TMEM135: variants seen among roughly 807,000 people sequenced by gnomAD.
TMEM135 encodes the protein peroxisomal membrane protein 52.
In TMEM135, 30 loss-of-function variants were observed where a neutral mutation model predicts 60.3. The observed-to-expected ratio is 0.50, with a 90% CI of 0.37 to 0.68. TMEM135 has a LOEUF of 0.68. Ranked by LOEUF, TMEM135 falls within the 30% of genes least tolerant of loss-of-function variation. The pLI is 0.00. For missense variants in TMEM135, 468 were observed against 548.8 expected (o/e 0.85, Z 1.47); for synonymous variants, 190 against 186.7 (o/e 1.02, Z -0.14).
chr11:87,057,058 C>T (rs1157627364), intron 1 of TMEM135, among the ~76,000 whole-genome samples: 1 of 152,134 alleles, frequency 6.6e-6, no homozygotes, highest in East Asian at 1.9e-4. Context: ...TGTGTGTTTT[C>T]AAGACTTTCC....
At chr11:87,085,107 C>T (rs1241310875) in intron 3 of TMEM135, among the ~76,000 whole-genome samples, 3 of 152,130 alleles carry the variant, frequency 2.0e-5, no homozygotes, top group African/African-American at 7.2e-5. Context: ...CTTAACATAA[C>T]TGAAGAAGTG....
At chr11:87,106,739 G>A (rs1222637497) in intron 4 of TMEM135, among the ~76,000 whole-genome samples, 3 of 152,124 alleles carry the variant, frequency 2.0e-5, no homozygotes, top group African/African-American at 7.2e-5. Flanking sequence ...ATTATTGGTT[G>A]TATAAGGCCA....
At chr11:87,197,413 A>C (rs908064060) in intron 5 of TMEM135, among the ~76,000 whole-genome samples, 1 of 152,138 alleles carries the variant, frequency 6.6e-6, no homozygotes, top group Non-Finnish European at 1.5e-5. Flanking sequence ...CCCATAAAAC[A>C]GGAAGCATCT....
intron 5 of TMEM135, among the ~76,000 whole-genome samples, chr11:87,177,477 C>CAGTTTTATTGTGGTATAATAGCCAT (rs1939405038): frequency 6.6e-6 from 1 of 151,968 alleles, no homozygotes; most frequent in Non-Finnish European, 1.5e-5. Flanking sequence ...TTTTAAAAAC[C>CAGTTTTATTGTGGTATAATAGCCAT]AGTTTTATTG....
chr11:87,218,271 C>T (rs1411619456), intron 5 of TMEM135, among the ~76,000 whole-genome samples: 1 of 151,998 alleles, frequency 6.6e-6, no homozygotes, highest in Non-Finnish European at 1.5e-5. Context: ...AGAAGTGGGC[C>T]CTTTGATCTT....
In TMEM135 at chr11:87,038,107, C is replaced by G; in HGVS notation, c.62C>G (p.Pro21Arg). 6.2e-7 allele frequency: 1 copy of G among 1,614,162 alleles called. No homozygotes were observed. The highest frequency in any genetic ancestry group is 8.5e-7 in the Non-Finnish European group (1 of 1,180,024). ...TATGAGATCGGCCACACTTGGCACC[C>G]TTCCTGCCGGGTCTCCTTCCTGCAG... Reference protein sequence around the residue: ...NCYEIGHTWHPSCRVSFLQIT... With the variant: ...NCYEIGHTWHRSCRVSFLQIT... The change falls in exon 1 of 15, where the codon CCT (proline) becomes CGT (arginine). Residue 21 changes from proline to arginine, a missense_variant. Pro to Arg is a moderately radical substitution (Grantham distance 103). Coordinates refer to ENST00000305494, the MANE Select transcript of TMEM135 (RefSeq NM_022918.4).
chr11:87,311,208 ATGGACAG>A (rs139703643), intron 10 of TMEM135, among the ~76,000 whole-genome samples: 3,236 of 151,840 alleles, frequency 0.021, 69 homozygotes, highest in East Asian at 0.055. Context: ...TTAGGGTAAC[ATGGACAG>A]TGTTGTTTTC....
rs373021784 is a variant in TMEM135, at chr11:87,085,774, C to CA, written c.363-5582dup. On this transcript the variant is annotated intron_variant, in intron 3 of 14. Transcript: ENST00000305494. ...TGTCTCAAAAACAAACAAACAACAA[C>CA]AAAAAAGATAATTTAGTAGTGCAAA... is the stretch of plus-strand genomic sequence containing the variant. Among the ~76,000 whole-genome samples, 603 of 152,024 alleles carry CA rather than the reference C, an allele frequency of 4.0e-3. 4 individuals are homozygous for CA. Among genetic ancestry groups the CA allele is most frequent in the African/African-American group, 0.012 (513 of 41,476 alleles).
chr11:87,314,136 A>G (rs1175432284), intron 11 of TMEM135, among the ~76,000 whole-genome samples: 2 of 151,834 alleles, frequency 1.3e-5, no homozygotes, highest in Non-Finnish European at 3.0e-5. Context: ...TTTCCACTTA[A>G]AATCGAAAAG....
intron 3 of TMEM135, among the ~76,000 whole-genome samples, chr11:87,078,848 C>G (rs900895872): frequency 6.6e-6 from 1 of 151,988 alleles, no homozygotes; most frequent in African/African-American, 2.4e-5. Flanking sequence ...TCTCGAGCTC[C>G]TGACCTAAGG....
chr11:87,186,501 G>T (rs903540486), intron 5 of TMEM135, among the ~76,000 whole-genome samples: 1 of 152,116 alleles, frequency 6.6e-6, no homozygotes, highest in African/African-American at 2.4e-5. Context: ...ATATAGGAGT[G>T]GATGATTTTA....
intron 6 of TMEM135, among the ~76,000 whole-genome samples, chr11:87,288,252 T>A (rs1309630966): frequency 6.6e-6 from 1 of 152,220 alleles, no homozygotes; most frequent in Admixed American, 6.5e-5. Flanking sequence ...AGATTATGTA[T>A]ATCGAATTGC....
Position 87,321,375 on chromosome 11 carries a change from G to A in TMEM135, c.*42G>A. ...TTAATGTGACTAAATGTTTCATCTT[G>A]AAGAGTTAATTATGTTGAACACAAA... is the stretch of plus-strand genomic sequence containing the variant. On this transcript the variant is annotated 3_prime_UTR_variant, in exon 15 of 15. Transcript: ENST00000305494. 1 of 1,610,134 alleles carries A rather than the reference G, an allele frequency of 6.2e-7. No homozygotes were observed. The highest frequency in any genetic ancestry group is 2.2e-5 in the East Asian group (1 of 44,806).
rs576120171 is a variant in TMEM135, at chr11:87,118,211, C to G, written c.396+26816C>G. 2.6e-5 allele frequency among the ~76,000 whole-genome samples: 4 copies of G among 152,120 alleles called. No individual in the cohort carries two copies. In the South Asian group the frequency reaches 8.3e-4, roughly 32 times the overall value. ...AGTAGATTTAGGTAATTCTTAAGGG[C>G]CTTAGTATTGTCAGAATGGTAAATG... On this transcript the variant is annotated intron_variant, in intron 4 of 14. Transcript: ENST00000305494.
chr11:87,168,797 G>T (rs187077308), intron 5 of TMEM135, among the ~76,000 whole-genome samples: 4 of 152,304 alleles, frequency 2.6e-5, no homozygotes, highest in Non-Finnish European at 4.4e-5. Flanking sequence ...TTGGGTTGGA[G>T]ATTTCTGTAG....
Position 87,061,518 on chromosome 11 carries a change from A to G in TMEM135, c.142-6176A>G, listed in dbSNP as rs995067104. ...CAACATAAAATTGACTCTTATTTGC[A>G]AACTATTTAATTTTCCAAAGAAACT... On this transcript the variant is annotated intron_variant, in intron 1 of 14. Coordinates refer to ENST00000305494, the MANE Select transcript of TMEM135 (RefSeq NM_022918.4). 2.0e-5 allele frequency among the ~76,000 whole-genome samples: 3 copies of G among 152,206 alleles called. No homozygotes were observed. In the South Asian group the frequency reaches 6.2e-4, roughly 32 times the overall value.
intron 5 of TMEM135, among the ~76,000 whole-genome samples, chr11:87,209,044 C>T (rs996295136): frequency 6.6e-6 from 1 of 152,126 alleles, no homozygotes; most frequent in African/African-American, 2.4e-5. Flanking sequence ...TAGATCTGCA[C>T]GATCTCCTAG....
intron 5 of TMEM135, among the ~76,000 whole-genome samples, chr11:87,223,992 T>C (rs1940711393): frequency 1.3e-5 from 2 of 152,096 alleles, no homozygotes; most frequent in Admixed American, 1.3e-4. Flanking sequence ...ATATGAGCAA[T>C]ACCATGCCTA....
At chr11:87,122,129 A>G (rs941057166) in intron 4 of TMEM135, among the ~76,000 whole-genome samples, 2 of 152,094 alleles carry the variant, frequency 1.3e-5, no homozygotes, top group South Asian at 2.1e-4. Flanking sequence ...ATTTTGTACT[A>G]TTTTCAGGAG....
Sources: gnomAD v4.1 joint callset for allele counts (sites outside exome capture counted in the v4.1 genomes callset) on GRCh38, gnomAD v4.1.1 for gene constraint, MANE v1.5 for transcripts, NCBI Gene and HGNC (gene_info 2026-07-23, HGNC 2026-07-21) for gene names.